ACER2: variants seen among roughly 807,000 people sequenced by gnomAD.
The protein encoded by ACER2 is alkaline ceramidase 2, also known as alkCDase 2.
Under a neutral mutation model 34.7 loss-of-function variants are expected in ACER2, and 26 were observed. The ratio of observed to expected loss-of-function variants is 0.75; its 90% CI spans 0.55 to 1.04. The LOEUF (loss-of-function observed/expected upper bound fraction) is 1.04. Ranked by LOEUF, ACER2 falls within the 50% of genes least tolerant of loss-of-function variation. ACER2 has a pLI of 0.00. For synonymous variants in ACER2, 138 were observed against 132.1 expected, an observed-to-expected ratio of 1.04 and a Z score of -0.31; for missense variants, 352 against 340.8, an observed-to-expected ratio of 1.03 and a Z score of -0.26.
intron 4 of ACER2, among the ~76,000 whole-genome samples, chr9:19,444,462 C>T (rs1831279308): frequency 6.6e-6 from 1 of 151,984 alleles, no homozygotes; most frequent in African/African-American, 2.4e-5. Flanking sequence ...CCGCCCGCCT[C>T]GGCCTCCCAA....
chr9:19,444,416 A>G (rs1831276752), intron 4 of ACER2, among the ~76,000 whole-genome samples: 1 of 151,938 alleles, frequency 6.6e-6, no homozygotes, highest in Admixed American at 6.6e-5. Flanking sequence ...GTTTCACCGG[A>G]TTAGCCAGGA....
intron 1 of ACER2, among the ~76,000 whole-genome samples, chr9:19,411,710 A>G (rs1276560212): frequency 1.3e-5 from 2 of 152,220 alleles, no homozygotes. Flanking sequence ...TAGGAAACTC[A>G]TAATCATTAC....
rs1439438830 is a variant in ACER2, at chr9:19,434,996, C to T, written c.415C>T (p.Leu139=). The T allele has an allele frequency of 1.2e-6, 2 of 1,614,174 alleles. No homozygotes were observed. The highest frequency in any genetic ancestry group is 3.3e-5 in the Admixed American group (2 of 60,032). Residue 139 remains leucine, a synonymous_variant, in exon 4 of 6, where the codon CTG becomes TTG. Coordinates refer to ENST00000340967, the MANE Select transcript of ACER2 (RefSeq NM_001010887.3). ...TGTCCTGTCTGCGGTTACGACGTGC[C>T]TGGCATTTGTCAAGCCTGCCATCAA... The part of the protein sequence containing the change: ...VSVLSAVTTC[L]AFVKPAINNI...
rs1345272517 is a variant in ACER2, at chr9:19,450,988, G to A, written c.*352G>A. On this transcript the variant is annotated 3_prime_UTR_variant, in exon 6 of 6. Transcript: ENST00000340967. ...AAGGTCCCCTCCTCCTCCCTAATGTGTCTGTGGACCACCTGGATTCCACTG... is the reference window on the plus strand; with the variant it reads ...AAGGTCCCCTCCTCCTCCCTAATGTATCTGTGGACCACCTGGATTCCACTG... 6.1e-6 allele frequency: 1 copy of A among 165,230 alleles called. No individual in the cohort carries two copies. Among genetic ancestry groups the A allele is most frequent in the African/African-American group, 2.4e-5 (1 of 41,910 alleles). 10.2% of individuals were successfully genotyped at this position (165,230 alleles called of 1,614,324 possible).
rs561293293 is a variant in ACER2, at chr9:19,414,151, A to C, written c.108+4959A>C. Among the ~76,000 whole-genome samples the C allele has an allele frequency of 5.9e-5, 9 of 152,322 alleles. No individual in the cohort carries two copies. In the East Asian group the frequency reaches 1.7e-3, roughly 29 times the overall value. ...GAGACTTTTCTGATTTTAAAACTGA[A>C]CGTCCCATGCCTTGGGAAGCCCCCT... On this transcript the variant is annotated intron_variant, in intron 1 of 5. Coordinates refer to ENST00000340967, the MANE Select transcript of ACER2 (RefSeq NM_001010887.3).
Position 19,446,405 on chromosome 9 carries a change from C to T in ACER2, c.628C>T (p.Leu210=), listed in dbSNP as rs868419486. Residue 210 remains leucine (L), a synonymous_variant, in exon 5 of 6, where the codon CTG becomes TTG. Coordinates refer to ENST00000340967, the MANE Select transcript of ACER2 (RefSeq NM_001010887.3). The stretch of plus-strand genomic sequence containing the variant: ...GCTGTCATCCTTCAACTTCCCCTAC[C>T]TGCACTGCATGTGGTAAGCCCCTGC... ...ELLSSFNFPY[L]HCMWHILICL... is the part of the protein sequence containing the mutation. The T allele has an allele frequency of 3.7e-6, 6 of 1,614,194 alleles. No individual in the cohort carries two copies. Among genetic ancestry groups the T allele is most frequent in the Non-Finnish European group, 5.1e-6 (6 of 1,180,028 alleles).
chr9:19,435,003 T>TTGTCAAGCCTGCCATC lies in ACER2; in HGVS notation c.423_438dup (p.Asn147CysfsTer29). The TTGTCAAGCCTGCCATC allele has an allele frequency of 6.2e-7, 1 of 1,614,180 alleles. No homozygotes were observed. Among genetic ancestry groups the TTGTCAAGCCTGCCATC allele is most frequent in the Non-Finnish European group, 8.5e-7 (1 of 1,180,018 alleles). ...TCTGCGGTTACGACGTGCCTGGCATTTGTCAAGCCTGCCATCAACAACATC... is the reference window on the plus strand; with the variant it reads ...TCTGCGGTTACGACGTGCCTGGCATTTGTCAAGCCTGCCATCTGTCAAGCCTGCCATCAACAACATC... On this transcript the variant is annotated frameshift_variant, in exon 4 of 6. Coordinates refer to ENST00000340967, the MANE Select transcript of ACER2 (RefSeq NM_001010887.3). LOFTEE classifies it high-confidence loss of function.
chr9:19,410,235 C>G (rs545436078), intron 1 of ACER2, among the ~76,000 whole-genome samples: 1 of 152,296 alleles, frequency 6.6e-6, no homozygotes, highest in East Asian at 1.9e-4. Context: ...TAGTCCCTGT[C>G]CTTTTATTCA....
At chr9:19,409,247 C>G (rs532197555) in intron 1 of ACER2, 55 bp downstream of exon 1, 1 of 1,503,960 alleles carries the variant, frequency 6.6e-7, no homozygotes. Context: ...GGGCTGTTCC[C>G]GCGCCGCAGC....
In ACER2 at chr9:19,435,082, G is replaced by C; in HGVS notation, c.501G>C (p.Lys167Asn). Residue 167 changes from lysine to asparagine, a missense_variant and splice_region_variant, in exon 4 of 6, where the codon AAG becomes AAC. Transcript: ENST00000340967. ...PCTALLIAEL[K>N]RCDNMRVFKL... ...CTGCACTGCTCATCGCAGAGCTAAA[G>C]AGGTAGGTGCCATCATTCCTGCCTA... 6.2e-7 allele frequency: 1 copy of C among 1,614,134 alleles called. No homozygotes were observed. The highest frequency in any genetic ancestry group is 1.1e-5 in the South Asian group (1 of 91,066).
chr9:19,409,230 C>A (rs1366249302), intron 1 of ACER2, 38 bp downstream of exon 1: 2 of 1,540,714 alleles, frequency 1.3e-6, no homozygotes, highest in Non-Finnish European at 8.8e-7. Context: ...GGCGGGCCAG[C>A]GGGAGGGGGC....
intron 4 of ACER2, among the ~76,000 whole-genome samples, chr9:19,436,631 T>G (rs991264376): frequency 6.6e-6 from 1 of 152,178 alleles, no homozygotes; most frequent in Admixed American, 6.5e-5. Flanking sequence ...CACTTAGGAA[T>G]GTATTGTAGT....
intron 3 of ACER2, among the ~76,000 whole-genome samples, chr9:19,427,122 T>C (rs1217230133): frequency 6.6e-6 from 1 of 152,208 alleles, no homozygotes; most frequent in African/African-American, 2.4e-5. Context: ...TGACTCTTTC[T>C]ATTTCCCTAT....
intron 1 of ACER2, among the ~76,000 whole-genome samples, chr9:19,411,138 G>A (rs1025672174): frequency 3.9e-5 from 6 of 152,190 alleles, no homozygotes; most frequent in African/African-American, 1.2e-4. Flanking sequence ...TCCCATTGGA[G>A]CCGTTACTCT....
intron 4 of ACER2, among the ~76,000 whole-genome samples, chr9:19,440,710 G>T (rs193272465): frequency 6.6e-6 from 1 of 152,132 alleles, no homozygotes; most frequent in East Asian, 1.9e-4. Context: ...CCCTTTTTAC[G>T]TCCCCCTGAA....
chr9:19,419,635 C>T (rs985541242), intron 1 of ACER2, among the ~76,000 whole-genome samples: 5 of 151,406 alleles, frequency 3.3e-5, no homozygotes, highest in Non-Finnish European at 5.9e-5. Context: ...GAGTGGCAGG[C>T]GCCTGTAATC....
chr9:19,449,297 A>G (rs1310070387), intron 5 of ACER2, among the ~76,000 whole-genome samples: 1 of 152,204 alleles, frequency 6.6e-6, no homozygotes, highest in East Asian at 1.9e-4. Context: ...CAGATTCCAT[A>G]ACTATCAACA....
intron 1 of ACER2, among the ~76,000 whole-genome samples, chr9:19,414,746 C>G (rs1375852866): frequency 6.6e-6 from 1 of 151,378 alleles, no homozygotes; most frequent in Non-Finnish European, 1.5e-5. Flanking sequence ...TATAATCTAA[C>G]AATAGGCTTT....
At chr9:19,435,455 C>T (rs975543472) in intron 4 of ACER2, among the ~76,000 whole-genome samples, 1 of 152,206 alleles carries the variant, frequency 6.6e-6, no homozygotes, top group Admixed American at 6.5e-5. Context: ...GAGTTTGTAT[C>T]TATAAGGAAA....
Sources: allele counts gnomAD v4.1 joint callset (sites outside exome capture counted in the v4.1 genomes callset), GRCh38; gene constraint gnomAD v4.1.1; transcripts MANE v1.5; gene names NCBI Gene and HGNC (gene_info 2026-07-23, HGNC 2026-07-21).